PTPRT: variants seen among roughly 807,000 people sequenced by gnomAD.
PTPRT encodes the protein protein tyrosine phosphatase receptor type T, also known as receptor-type tyrosine-protein phosphatase T.
In PTPRT, 56 loss-of-function variants were observed where a neutral mutation model predicts 176.8. The observed-to-expected ratio is 0.32, with a 90% CI of 0.26 to 0.40. PTPRT has a LOEUF of 0.40. Among genes scored for constraint, PTPRT ranks in the 10% least tolerant of loss-of-function variants. The pLI is 1.00. For synonymous variants in PTPRT, 783 were observed against 739.0 expected, an observed-to-expected ratio of 1.06 and a Z score of -0.96; for missense variants, 1,540 against 1,908.2, an observed-to-expected ratio of 0.81 and a Z score of 3.60.
At chr20:43,156,334 A>T (rs1226674056) in intron 1 of PTPRT, among the ~76,000 whole-genome samples, 1 of 152,134 alleles carries the variant, frequency 6.6e-6, no homozygotes, top group East Asian at 1.9e-4. Flanking sequence ...AGATGAGAAA[A>T]CTGAGACCCA....
chr20:42,121,990 G>A (rs1987615313), intron 19 of PTPRT, among the ~76,000 whole-genome samples: 2 of 152,098 alleles, frequency 1.3e-5, no homozygotes, highest in African/African-American at 4.8e-5. Context: ...GTAAAGTGTG[G>A]AATCGTAGAC....
intron 2 of PTPRT, among the ~76,000 whole-genome samples, chr20:42,808,265 A>G (rs1308318105): frequency 6.6e-6 from 1 of 152,164 alleles, no homozygotes; most frequent in African/African-American, 2.4e-5. Context: ...ACATCCTAAT[A>G]AACACTCATC....
At chr20:43,122,838 T>G (rs1438080000) in intron 1 of PTPRT, among the ~76,000 whole-genome samples, 2 of 152,270 alleles carry the variant, frequency 1.3e-5, no homozygotes, top group Admixed American at 1.3e-4. Flanking sequence ...GCCCAGGTTT[T>G]GTTTTGTTTT....
chr20:42,219,217 T>C (rs1227331528), intron 15 of PTPRT, among the ~76,000 whole-genome samples: 3 of 152,218 alleles, frequency 2.0e-5, no homozygotes, highest in Non-Finnish European at 4.4e-5. Context: ...TGTGCAATCA[T>C]AAACTGCCGC....
At chr20:42,627,396 T>C (rs1248425723) in intron 7 of PTPRT, among the ~76,000 whole-genome samples, 1 of 152,028 alleles carries the variant, frequency 6.6e-6, no homozygotes, top group Non-Finnish European at 1.5e-5. Context: ...CCCATGCCCA[T>C]GTAGCTGGGA....
chr20:42,825,862 T>C (rs1356667742), intron 2 of PTPRT, among the ~76,000 whole-genome samples: 1 of 152,034 alleles, frequency 6.6e-6, no homozygotes, highest in Non-Finnish European at 1.5e-5. Flanking sequence ...GAAAGCAGAA[T>C]ACAACCAATT....
chr20:42,146,606 T>C (rs2146438049), intron 17 of PTPRT, among the ~76,000 whole-genome samples: 2 of 152,342 alleles, frequency 1.3e-5, no homozygotes, highest in Middle Eastern at 6.8e-3. Context: ...TATGCAGCCA[T>C]AATTTTTGCA....
intron 8 of PTPRT, 94 bp downstream of exon 8, chr20:42,472,172 T>G: frequency 1.4e-6 from 2 of 1,383,894 alleles, no homozygotes; most frequent in South Asian, 2.8e-5. Context: ...GAATTAAAAA[T>G]GTAGGAAAAA....
intron 11 of PTPRT, among the ~76,000 whole-genome samples, chr20:42,345,436 AAAAC>A (rs1568794363): frequency 1.0e-4 from 15 of 149,110 alleles, no homozygotes; most frequent in Admixed American, 6.7e-4. Flanking sequence ...ATATATATAT[AAAAC>A]TAGTTACTAT....
intron 6 of PTPRT, among the ~76,000 whole-genome samples, chr20:42,691,869 A>G (rs947706316): frequency 2.0e-5 from 3 of 152,184 alleles, no homozygotes; most frequent in South Asian, 2.1e-4. Context: ...CACTGCCTCT[A>G]GGTGCTTCTG....
At position 42,143,840 on chromosome 20, in the gene PTPRT, G is replaced by C. The variant is rs570242201; in HGVS notation, c.2683-1838C>G. 3.9e-5 allele frequency among the ~76,000 whole-genome samples: 6 copies of C among 152,330 alleles called. 1 individual carries two copies. In the South Asian group the frequency reaches 1.2e-3, roughly 32 times the overall value. ...GCACATCAATGAGCAGGTTACCACT[G>C]TGGGCAACTGGGGCCTAATCCAATG... On this transcript the variant is annotated intron_variant, in intron 17 of 30. Coordinates refer to ENST00000373187, the MANE Select transcript of PTPRT (RefSeq NM_007050.6).
intron 2 of PTPRT, among the ~76,000 whole-genome samples, chr20:42,885,464 C>A (rs1006998804): frequency 1.3e-5 from 2 of 151,440 alleles, no homozygotes. Context: ...GTCCATGTGG[C>A]CTGGAAGAAA....
At chr20:42,173,333 T>C (rs1003681318) in intron 16 of PTPRT, among the ~76,000 whole-genome samples, 3 of 152,090 alleles carry the variant, frequency 2.0e-5, no homozygotes, top group African/African-American at 4.8e-5. Context: ...GTCATGTGTG[T>C]GGGGAGTGTG....
intron 17 of PTPRT, among the ~76,000 whole-genome samples, chr20:42,159,373 G>A (rs1243693780): frequency 6.6e-6 from 1 of 150,788 alleles, no homozygotes; most frequent in Non-Finnish European, 1.5e-5. Flanking sequence ...GCTGTCTATA[G>A]AATCTTGTTT....
chr20:42,350,231 T>TG lies in PTPRT; in HGVS notation c.1865+396_1865+397insC, dbSNP rs1568799552. Among the ~76,000 whole-genome samples, 282 of 134,680 alleles carry TG rather than the reference T, an allele frequency of 2.1e-3. 4 individuals carry two copies. Among genetic ancestry groups the TG allele is most frequent in the African/African-American group, 7.0e-3 (243 of 34,540 alleles). The allele number at this position is 134,680 out of a possible 152,430, so 88.4% of individuals were successfully genotyped here. A position where few individuals can be genotyped will look rare whatever the true frequency, so the allele number is the denominator to read the frequency against. On this transcript the variant is annotated intron_variant, in intron 11 of 30. Coordinates refer to ENST00000373187, the MANE Select transcript of PTPRT (RefSeq NM_007050.6). Reference sequence around the variant, plus strand: ...TGTTTCTTGTTTTTTTTTTTTTTTTTTTTTTTTTTTTTTTTGAGACAGGGT... The same window carrying TG: ...TGTTTCTTGTTTTTTTTTTTTTTTTTGTTTTTTTTTTTTTTTGAGACAGGGT...
At chr20:42,823,021 G>C (rs1222946016) in intron 2 of PTPRT, among the ~76,000 whole-genome samples, 2 of 152,236 alleles carry the variant, frequency 1.3e-5, no homozygotes, top group Non-Finnish European at 1.5e-5. Flanking sequence ...ATTTGACCCA[G>C]CAATCCCATT....
chr20:42,853,621 T>C (rs574678245), intron 2 of PTPRT, among the ~76,000 whole-genome samples: 2 of 152,326 alleles, frequency 1.3e-5, no homozygotes, highest in South Asian at 4.1e-4. Flanking sequence ...GCTCGAACGA[T>C]TGGATTAAGC....
intron 9 of PTPRT, among the ~76,000 whole-genome samples, chr20:42,359,505 T>C (rs1030600232): frequency 6.6e-6 from 1 of 152,188 alleles, no homozygotes; most frequent in African/African-American, 2.4e-5. Context: ...GTGCTTCCAA[T>C]GCTGTTAACA....
chr20:42,599,292 G>T (rs537701947), intron 7 of PTPRT, among the ~76,000 whole-genome samples: 1 of 152,240 alleles, frequency 6.6e-6, no homozygotes, highest in East Asian at 1.9e-4. Context: ...GAACACACAG[G>T]GTTTGATGAG....
Sources: allele counts gnomAD v4.1 joint callset (sites outside exome capture counted in the v4.1 genomes callset), GRCh38; gene constraint gnomAD v4.1.1; transcripts MANE v1.5; gene names NCBI Gene and HGNC (gene_info 2026-07-23, HGNC 2026-07-21).